GRB10: variants seen among roughly 807,000 people sequenced by gnomAD.
GRB10 encodes growth factor receptor bound protein 10.
In GRB10, 20 loss-of-function variants were observed where a neutral mutation model predicts 80.9. The observed-to-expected ratio is 0.25, with a 90% CI of 0.17 to 0.36. The LOEUF (loss-of-function observed/expected upper bound fraction) is 0.36, where lower values mean the gene tolerates loss of function less well. Ranked by LOEUF, GRB10 falls within the 10% of genes least tolerant of loss-of-function variation. GRB10 has a pLI of 1.00. For missense variants in GRB10, 548 were observed against 747.7 expected (o/e 0.73, Z 3.12); for synonymous variants, 291 against 291.5 (o/e 1.00, Z 0.02).
chr7:50,724,381 T>A (rs1333449156), intron 4 of GRB10, among the ~76,000 whole-genome samples: 1 of 152,226 alleles, frequency 6.6e-6, no homozygotes, highest in Non-Finnish European at 1.5e-5. Context: ...ACCCACATTT[T>A]TATTCTTAAG....
intron 4 of GRB10, among the ~76,000 whole-genome samples, chr7:50,729,941 A>G (rs750488178): frequency 6.6e-5 from 10 of 152,084 alleles, no homozygotes; most frequent in Non-Finnish European, 1.0e-4. Flanking sequence ...TGCTCTATCA[A>G]AGAATTAAAG....
chr7:50,665,394 A>G (rs2059693841), intron 7 of GRB10, among the ~76,000 whole-genome samples: 1 of 152,276 alleles, frequency 6.6e-6, no homozygotes, highest in Admixed American at 6.5e-5. Flanking sequence ...CAAGAAGTCT[A>G]GAAAGACAAC....
At chr7:50,745,146 T>G (rs921040540) in intron 3 of GRB10, among the ~76,000 whole-genome samples, 5 of 152,184 alleles carry the variant, frequency 3.3e-5, no homozygotes, top group African/African-American at 1.2e-4. Context: ...TAGTAATTAC[T>G]GAAAAAAACT....
chr7:50,616,560 C>T (rs1210274687), intron 10 of GRB10, among the ~76,000 whole-genome samples: 2 of 152,164 alleles, frequency 1.3e-5, no homozygotes, highest in Non-Finnish European at 2.9e-5. Flanking sequence ...GCAAATGGAC[C>T]TTTCCAACAC....
intron 3 of GRB10, among the ~76,000 whole-genome samples, chr7:50,733,664 C>A (rs555334615): frequency 6.6e-6 from 1 of 152,360 alleles, no homozygotes; most frequent in African/African-American, 2.4e-5. Flanking sequence ...CCACCCTTCA[C>A]CTCTGCCATG....
intron 4 of GRB10, among the ~76,000 whole-genome samples, chr7:50,723,954 A>T (rs1162168566): frequency 6.6e-6 from 1 of 152,238 alleles, no homozygotes; most frequent in Non-Finnish European, 1.5e-5. Flanking sequence ...AGTGGCAAGG[A>T]GCTGGTTAAG....
At chr7:50,664,729 A>G (rs1288027913) in intron 7 of GRB10, among the ~76,000 whole-genome samples, 1 of 152,156 alleles carries the variant, frequency 6.6e-6, no homozygotes, top group Non-Finnish European at 1.5e-5. Flanking sequence ...GGCACCAACT[A>G]GACCGTGAGC....
chr7:50,791,220 G>C (rs536992802), intron 1 of GRB10, among the ~76,000 whole-genome samples: 2 of 152,196 alleles, frequency 1.3e-5, no homozygotes, highest in African/African-American at 4.8e-5. Context: ...ATGACTTCAT[G>C]GATATCAAAA....
intron 14 of GRB10, 108 bp from the exon 15 acceptor site, chr7:50,605,514 T>C (rs966180670): frequency 2.2e-6 from 2 of 927,794 alleles, no homozygotes; most frequent in Non-Finnish European, 3.6e-6. Flanking sequence ...AGGGAATGCC[T>C]GCTTTCTACC....
chr7:50,759,867 G>C (rs940009109), intron 2 of GRB10, among the ~76,000 whole-genome samples: 1 of 152,156 alleles, frequency 6.6e-6, no homozygotes, highest in Non-Finnish European at 1.5e-5. Context: ...CAGAGACAGT[G>C]AATGGCCAGG....
At chr7:50,717,766 T>C (rs2067097261) in intron 4 of GRB10, among the ~76,000 whole-genome samples, 1 of 152,238 alleles carries the variant, frequency 6.6e-6, no homozygotes, top group African/African-American at 2.4e-5. Flanking sequence ...TAGCACCACT[T>C]AGCCAAGGCC....
intron 3 of GRB10, among the ~76,000 whole-genome samples, chr7:50,744,070 A>G (rs2072400920): frequency 6.6e-6 from 1 of 152,084 alleles, no homozygotes; most frequent in African/African-American, 2.4e-5. Flanking sequence ...CCGAGAGTGG[A>G]TACCCCTGCT....
rs539423990 is a variant in GRB10 at position 50,698,337 on chromosome 7, T to C, written c.139+5484A>G. Among the ~76,000 whole-genome samples, 3 of 152,358 alleles carry C rather than the reference T, an allele frequency of 2.0e-5. No homozygotes were observed. The South Asian group carries it at 6.2e-4, about 32-fold the overall frequency. On this transcript the variant is annotated intron_variant, in intron 5 of 18. Transcript: ENST00000401949. The stretch of plus-strand genomic sequence containing the variant: ...TATGTAATGGTAATACAGTCAAATT[T>C]ACCATTTTCCCTTTATGGTTGTGCT...
chr7:50,684,722 G>A (rs1346082795), intron 5 of GRB10, among the ~76,000 whole-genome samples: 4 of 152,218 alleles, frequency 2.6e-5, no homozygotes, highest in Middle Eastern at 3.4e-3. Flanking sequence ...AAGACACTTC[G>A]GGAGTGACAG....
At chr7:50,745,025 C>A (rs1247507778) in intron 3 of GRB10, among the ~76,000 whole-genome samples, 2 of 152,044 alleles carry the variant, frequency 1.3e-5, no homozygotes, top group Non-Finnish European at 2.9e-5. Context: ...ACAGCCTAGT[C>A]TTCTACATAT....
intron 4 of GRB10, among the ~76,000 whole-genome samples, chr7:50,722,530 G>T (rs889893048): frequency 1.3e-5 from 2 of 152,180 alleles, no homozygotes; most frequent in East Asian, 3.8e-4. Flanking sequence ...GTTGATGGGG[G>T]CACATGGGCA....
At chr7:50,683,709 C>T (rs112113128) in intron 5 of GRB10, among the ~76,000 whole-genome samples, 3,103 of 151,794 alleles carry the variant, frequency 0.02, 121 homozygotes, top group African/African-American at 0.071. Context: ...TGCATTCCAG[C>T]CTGGGTGACA....
chr7:50,720,247 T>A (rs2067495004), intron 4 of GRB10, among the ~76,000 whole-genome samples: 1 of 152,240 alleles, frequency 6.6e-6, no homozygotes, highest in African/African-American at 2.4e-5. Flanking sequence ...TAATAATTCA[T>A]ATCACAGTCA....
intron 2 of GRB10, among the ~76,000 whole-genome samples, chr7:50,771,877 G>C (rs756996844): frequency 6.6e-6 from 1 of 152,164 alleles, no homozygotes; most frequent in Non-Finnish European, 1.5e-5. Flanking sequence ...TCTTCTAAAC[G>C]GGGCATGGGC....
Sources: allele counts gnomAD v4.1 joint callset (sites outside exome capture counted in the v4.1 genomes callset), GRCh38; gene constraint gnomAD v4.1.1; transcripts MANE v1.5; gene names NCBI Gene and HGNC (gene_info 2026-07-23, HGNC 2026-07-21).